The following NMNAT3 variants were observed in gnomAD, a reference collection of about 807,000 sequenced individuals.
NMNAT3 encodes nicotinamide nucleotide adenylyltransferase 3, also known as nicotinamide/nicotinic acid mononucleotide adenylyltransferase 3.
Under a neutral mutation model 24.8 loss-of-function variants are expected in NMNAT3, and 21 were observed. That is an observed-to-expected ratio of 0.85 (90% CI 0.60 to 1.22). NMNAT3 has a LOEUF of 1.22. Among genes scored for constraint, NMNAT3 ranks in the 50% most tolerant of loss-of-function variants. NMNAT3 has a pLI of 0.00. For synonymous variants in NMNAT3, 136 were observed against 155.2 expected (o/e 0.88, Z 0.92); for missense variants, 387 against 436.6 (o/e 0.89, Z 1.01).
chr3:139,649,196 A>G lies in NMNAT3; in HGVS notation c.-140-11134T>C, dbSNP rs1002341882. Among the ~76,000 whole-genome samples the G allele has an allele frequency of 2.0e-5, 3 of 152,332 alleles. No homozygotes were observed. In the East Asian group the frequency reaches 5.8e-4, roughly 29 times the overall value. On this transcript the variant is annotated intron_variant, in intron 1 of 6. Transcript: ENST00000643695. Reference sequence around the variant, plus strand: ...ACCTTGTTTTGAATGATGTCTGGCAAACAGTGGCGACCCTCAGTAATTGTG... The same window carrying G: ...ACCTTGTTTTGAATGATGTCTGGCAGACAGTGGCGACCCTCAGTAATTGTG...
intron 1 of NMNAT3, among the ~76,000 whole-genome samples, chr3:139,644,214 GA>G (rs1389799453): frequency 6.6e-6 from 1 of 152,100 alleles, no homozygotes; most frequent in African/African-American, 2.4e-5. Context: ...CATTTGGCCT[GA>G]AATAAAAGAA....
intron 3 of NMNAT3, chr3:139,583,452 G>A: frequency 1.2e-6 from 2 of 1,601,666 alleles, no homozygotes; most frequent in East Asian, 2.2e-5. Context: ...TGAGCTTTTT[G>A]AAGAACTTCT....
intron 1 of NMNAT3, 85 bp downstream of exon 1, chr3:139,677,620 T>G (rs3856688): frequency 0.29 from 44,598 of 152,236 alleles, 8,290 homozygotes; most frequent in East Asian, 0.6. Flanking sequence ...CAGGACTCAG[T>G]TAGGGGCCAG....
At chr3:139,632,345 G>T (rs2056334364) in intron 2 of NMNAT3, among the ~76,000 whole-genome samples, 1 of 152,006 alleles carries the variant, frequency 6.6e-6, no homozygotes, top group South Asian at 2.1e-4. Flanking sequence ...AGACATCCTT[G>T]CCTATTGGGC....
At chr3:139,634,159 G>A (rs1052538671) in intron 2 of NMNAT3, among the ~76,000 whole-genome samples, 5 of 152,206 alleles carry the variant, frequency 3.3e-5, no homozygotes, top group African/African-American at 4.8e-5. Flanking sequence ...AGGCCGTCGC[G>A]GAGGCACAGT....
At chr3:139,561,896 G>A (rs902303300) in intron 6 of NMNAT3, among the ~76,000 whole-genome samples, 2 of 152,132 alleles carry the variant, frequency 1.3e-5, no homozygotes, top group Non-Finnish European at 2.9e-5. Context: ...TAATTATAAA[G>A]GCTCTTTGGA....
At chr3:139,664,519 C>T (rs898481774) in intron 1 of NMNAT3, among the ~76,000 whole-genome samples, 2 of 152,148 alleles carry the variant, frequency 1.3e-5, no homozygotes, top group African/African-American at 4.8e-5. Context: ...CCATGTAAGC[C>T]TGGAACTCCT....
intron 1 of NMNAT3, among the ~76,000 whole-genome samples, chr3:139,661,856 A>G (rs1056679685): frequency 5.9e-5 from 9 of 152,330 alleles, no homozygotes; most frequent in African/African-American, 2.2e-4. Flanking sequence ...ACTTTCTAAA[A>G]TAAGGACACC....
intron 1 of NMNAT3, among the ~76,000 whole-genome samples, chr3:139,668,485 G>A (rs891985092): frequency 6.6e-6 from 1 of 152,166 alleles, no homozygotes; most frequent in African/African-American, 2.4e-5. Context: ...CATGATAGAA[G>A]GACAAAAGGA....
At chr3:139,649,322 A>AAAACAAACAAAC (rs3028177) in intron 1 of NMNAT3, among the ~76,000 whole-genome samples, 2,140 of 150,508 alleles carry the variant, frequency 0.014, 59 homozygotes, top group African/African-American at 0.046. Flanking sequence ...GCAAGCAAAG[A>AAAACAAACAAAC]AAACAAACAA....
chr3:139,638,504 G>C (rs2056586932), intron 1 of NMNAT3, among the ~76,000 whole-genome samples: 1 of 151,986 alleles, frequency 6.6e-6, no homozygotes, highest in African/African-American at 2.4e-5. Context: ...TGTTCGTAAT[G>C]ACATCAGGGG....
At chr3:139,595,840 G>T (rs556873563) in intron 3 of NMNAT3, among the ~76,000 whole-genome samples, 20 of 152,270 alleles carry the variant, frequency 1.3e-4, no homozygotes, top group African/African-American at 4.8e-4. Flanking sequence ...AAACGTTAGA[G>T]CTAAAACCAT....
intron 1 of NMNAT3, among the ~76,000 whole-genome samples, chr3:139,639,671 A>G (rs754653232): frequency 5.3e-5 from 8 of 152,236 alleles, no homozygotes; most frequent in Non-Finnish European, 8.8e-5. Flanking sequence ...AAATGCTGAC[A>G]TCTGGCTACT....
intron 3 of NMNAT3, among the ~76,000 whole-genome samples, chr3:139,586,521 C>T (rs537010630): frequency 1.3e-5 from 2 of 152,148 alleles, no homozygotes; most frequent in Non-Finnish European, 2.9e-5. Flanking sequence ...GGCCCAGGCT[C>T]TCCTTCCTGA....
chr3:139,592,579 GTTACCCTCAAAGGGAAGCCCA>G (rs2054247556), intron 3 of NMNAT3, among the ~76,000 whole-genome samples: 1 of 152,142 alleles, frequency 6.6e-6, no homozygotes, highest in African/African-American at 2.4e-5. Flanking sequence ...GAAAGGTTGG[GTTACCCTCAAAGGGAAGCCCA>G]TCAGACTAAC....
intron 1 of NMNAT3, among the ~76,000 whole-genome samples, chr3:139,639,305 C>T (rs1257658831): frequency 3.3e-5 from 5 of 152,168 alleles, no homozygotes; most frequent in African/African-American, 4.8e-5. Flanking sequence ...ACAAAGACAA[C>T]GTTGGGAGGC....
chr3:139,672,821 T>G (rs2057802442), intron 1 of NMNAT3: 1 of 152,214 alleles, frequency 6.6e-6, no homozygotes, highest in South Asian at 2.1e-4. Context: ...GGATCACATC[T>G]TATTTTGAAC....
At chr3:139,575,099 G>C (rs566019327) in intron 5 of NMNAT3, among the ~76,000 whole-genome samples, 3 of 152,302 alleles carry the variant, frequency 2.0e-5, no homozygotes, top group East Asian at 1.9e-4. Context: ...CTTCCCACCA[G>C]ATTGTGAAAA....
chr3:139,675,870 G>A (rs746929398), intron 1 of NMNAT3, among the ~76,000 whole-genome samples: 1 of 152,156 alleles, frequency 6.6e-6, no homozygotes, highest in Non-Finnish European at 1.5e-5. Context: ...AGAAGGAGAG[G>A]GTGGGAGTTA....
Sources: allele counts gnomAD v4.1 joint callset (sites outside exome capture counted in the v4.1 genomes callset), GRCh38; gene constraint gnomAD v4.1.1; transcripts MANE v1.5; gene names NCBI Gene and HGNC (gene_info 2026-07-23, HGNC 2026-07-21).